The following ESR2 variants were observed in gnomAD, a reference collection of about 807,000 sequenced individuals.
The protein encoded by ESR2 is estrogen receptor beta.
Under a neutral mutation model 49.6 loss-of-function variants are expected in ESR2, and 36 were observed. The observed-to-expected ratio is 0.73, with a 90% CI of 0.56 to 0.96. ESR2 has a LOEUF of 0.96. Ranked by LOEUF, ESR2 falls within the 40% of genes least tolerant of loss-of-function variation. The probability of loss-of-function intolerance (pLI) is 0.00; values close to 1 mark genes in which losing one functional copy is unlikely to be tolerated. For missense variants in ESR2, 714 were observed against 693.0 expected, an observed-to-expected ratio of 1.03 and a Z score of -0.34; for synonymous variants, 320 against 266.1, an observed-to-expected ratio of 1.20 and a Z score of -1.97.
chr14:64,282,117 G>T (rs1475027581), intron 2 of ESR2, among the ~76,000 whole-genome samples: 1 of 152,224 alleles, frequency 6.6e-6, no homozygotes, highest in Admixed American at 6.5e-5. Flanking sequence ...GCCAAGGCAG[G>T]TGGATCATTT....
intron 6 of ESR2, among the ~76,000 whole-genome samples, chr14:64,254,093 T>C (rs1254543913): frequency 6.6e-6 from 1 of 150,406 alleles, no homozygotes; most frequent in Non-Finnish European, 1.5e-5. Context: ...AGTTTTCTTG[T>C]TGTGGACACC....
intron 1 of ESR2, among the ~76,000 whole-genome samples, chr14:64,321,840 A>G (rs1403156174): frequency 6.6e-6 from 1 of 152,174 alleles, no homozygotes; most frequent in Non-Finnish European, 1.5e-5. Flanking sequence ...GTTCTCACTT[A>G]TAAGTGGGAG....
intron 7 of ESR2, among the ~76,000 whole-genome samples, chr14:64,245,043 AT>A (rs200728784): frequency 0.013 from 1,992 of 151,038 alleles, 60 homozygotes; most frequent in African/African-American, 0.046. Flanking sequence ...TTCCATCCCT[AT>A]TTTTTTTTAA....
intron 1 of ESR2, among the ~76,000 whole-genome samples, chr14:64,284,053 A>G (rs993118585): frequency 1.3e-5 from 2 of 151,890 alleles, no homozygotes; most frequent in Middle Eastern, 3.4e-3. Context: ...CAGCCTCACG[A>G]GTAGCTGAGA....
At chr14:64,241,976 T>G (rs1038042845) in intron 7 of ESR2, among the ~76,000 whole-genome samples, 5 of 152,218 alleles carry the variant, frequency 3.3e-5, no homozygotes, top group African/African-American at 1.2e-4. Context: ...TGTTCCTGAT[T>G]GTGATTAAGT....
At chr14:64,255,723 C>A (rs2076084346) in intron 6 of ESR2, among the ~76,000 whole-genome samples, 1 of 152,188 alleles carries the variant, frequency 6.6e-6, no homozygotes, top group Non-Finnish European at 1.5e-5. Flanking sequence ...AAGTTAAATG[C>A]ATAAGGTGCT....
chr14:64,252,743 TC>T (rs1186053699), intron 6 of ESR2, among the ~76,000 whole-genome samples: 1 of 152,038 alleles, frequency 6.6e-6, no homozygotes, highest in South Asian at 2.1e-4. Context: ...GGGGAAACCA[TC>T]CCCATGATCC....
At chr14:64,259,708 T>C (rs2076173004) in intron 5 of ESR2, among the ~76,000 whole-genome samples, 2 of 152,200 alleles carry the variant, frequency 1.3e-5, no homozygotes. Flanking sequence ...GCATTCCAGG[T>C]TTATGGGCCC....
intron 1 of ESR2, among the ~76,000 whole-genome samples, chr14:64,305,716 T>G (rs1225773631): frequency 6.6e-6 from 1 of 151,884 alleles, no homozygotes; most frequent in Non-Finnish European, 1.5e-5. Flanking sequence ...ATAAAATGCT[T>G]TATACAAATT....
At chr14:64,260,416 G>A (rs897110840) in intron 5 of ESR2, 33 bp downstream of exon 5, 1 of 1,520,972 alleles carries the variant, frequency 6.6e-7, no homozygotes, top group Non-Finnish European at 8.8e-7. Flanking sequence ...CTTTCTACAA[G>A]TACATGGAAA....
intron 5 of ESR2, chr14:64,260,138 C>G (rs1249166062): frequency 1.7e-6 from 1 of 586,740 alleles, no homozygotes; most frequent in Non-Finnish European, 3.2e-6. Flanking sequence ...TGGGATGCAT[C>G]TAGCCATGGG....
At chr14:64,332,548 C>T (rs950341321) in intron 1 of ESR2, among the ~76,000 whole-genome samples, 5 of 152,064 alleles carry the variant, frequency 3.3e-5, no homozygotes, top group African/African-American at 1.2e-4. Flanking sequence ...CGCCTGTAAT[C>T]CCAGCACTTT....
chr14:64,333,734 C>T (rs1216972218), intron 1 of ESR2, among the ~76,000 whole-genome samples: 2 of 152,070 alleles, frequency 1.3e-5, no homozygotes, highest in African/African-American at 2.4e-5. Context: ...AGGAAACCAC[C>T]CCCCATGATT....
chr14:64,229,892 G>A lies in ESR2; in HGVS notation c.*3245C>T, dbSNP rs1227702917. ...TTTTCAGCAACTTAAAAAAAAATGTGGCGGGGCTGGGCACAGTGGCTCATG... is the reference window on the plus strand; with the variant it reads ...TTTTCAGCAACTTAAAAAAAAATGTAGCGGGGCTGGGCACAGTGGCTCATG... On this transcript the variant is annotated 3_prime_UTR_variant, in exon 9 of 9. Coordinates refer to ENST00000341099, the MANE Select transcript of ESR2 (RefSeq NM_001437.3). Among the ~76,000 whole-genome samples, 1 of 152,136 alleles carries A rather than the reference G, an allele frequency of 6.6e-6. No individual in the cohort carries two copies. Among genetic ancestry groups the A allele is most frequent in the Non-Finnish European group, 1.5e-5 (1 of 68,022 alleles).
chr14:64,267,191 T>C (rs1048266367), intron 4 of ESR2, among the ~76,000 whole-genome samples: 11 of 152,212 alleles, frequency 7.2e-5, no homozygotes, highest in African/African-American at 2.7e-4. Context: ...AACTAAACTT[T>C]CACAGAAAAA....
rs114355812 is a variant in ESR2, at chr14:64,281,895, G to C, written c.362+729C>G. Among the ~76,000 whole-genome samples, 541 of 152,260 alleles carry C rather than the reference G, an allele frequency of 3.6e-3. 9 individuals carry two copies. Among genetic ancestry groups the C allele is most frequent in the African/African-American group, 0.013 (527 of 41,562 alleles). ...TATCTTTTCATGCTTCGCATGTCTA[G>C]AATTTCATTTAAGTTGTAATACTAT... On this transcript the variant is annotated intron_variant, in intron 2 of 8. Transcript: ENST00000341099.
chr14:64,257,339 G>T lies in ESR2; in HGVS notation c.978C>A (p.Asp326Glu). ...IPGFVELSLF[D>E]QVRLLESCWM... is the part of the protein sequence containing the mutation. ...AACAGCTCTCCAAGAGCCGCACTTG[G>T]TCGAACAGGCTGAGCTCCACAAAGC... Residue 326 changes from aspartate to glutamate, a missense_variant, in exon 6 of 9, where the codon GAC becomes GAA. By Grantham distance (45) the Asp-to-Glu change is conservative. Coordinates refer to ENST00000341099, the MANE Select transcript of ESR2 (RefSeq NM_001437.3). 3 of 1,613,264 alleles carry T rather than the reference G, an allele frequency of 1.9e-6. No homozygotes were observed. Among genetic ancestry groups the T allele is most frequent in the Non-Finnish European group, 2.5e-6 (3 of 1,180,034 alleles).
At chr14:64,254,643 A>G (rs1364628025) in intron 6 of ESR2, among the ~76,000 whole-genome samples, 1 of 151,800 alleles carries the variant, frequency 6.6e-6, no homozygotes, top group Non-Finnish European at 1.5e-5. Flanking sequence ...CTGTAATCCC[A>G]CCTACTCAGG....
intron 1 of ESR2, among the ~76,000 whole-genome samples, chr14:64,292,789 G>T (rs567187543): frequency 1.4e-3 from 216 of 152,072 alleles, no homozygotes; most frequent in African/African-American, 5.0e-3. Flanking sequence ...TAATTATATG[G>T]TTATGAGTTG....
Sources: allele counts gnomAD v4.1 joint callset (sites outside exome capture counted in the v4.1 genomes callset), GRCh38; gene constraint gnomAD v4.1.1; transcripts MANE v1.5; gene names NCBI Gene and HGNC (gene_info 2026-07-23, HGNC 2026-07-21).